The following PHACTR1 variants were observed in gnomAD, a reference collection of about 807,000 sequenced individuals.
The protein encoded by PHACTR1 is phosphatase and actin regulator 1, also known as RPEL repeat containing 1.
A neutral mutation model predicts 69.2 loss-of-function variants in PHACTR1; 16 were observed. The observed-to-expected ratio is 0.23, with a 90% CI of 0.16 to 0.35. PHACTR1 has a LOEUF of 0.35. Among genes scored for constraint, PHACTR1 ranks in the 10% least tolerant of loss-of-function variants. The pLI is 1.00. For synonymous variants in PHACTR1, 312 were observed against 284.5 expected, an observed-to-expected ratio of 1.10 and a Z score of -0.97; for missense variants, 510 against 734.7, an observed-to-expected ratio of 0.69 and a Z score of 3.54.
Position 12,716,908 on chromosome 6 carries a change from C to T in PHACTR1, c.-282+12C>T, listed in dbSNP as rs1469048391. 2.7e-5 allele frequency: 4 copies of T among 148,646 alleles called. No homozygotes were observed. Among genetic ancestry groups the T allele is most frequent in the Non-Finnish European group, 4.4e-5 (3 of 67,534 alleles). 9.2% of individuals were successfully genotyped at this position (148,646 alleles called of 1,614,324 possible). A position where few individuals can be genotyped will look rare whatever the true frequency, so the allele number is the denominator to read the frequency against. On this transcript the variant is annotated intron_variant, in intron 1 of 14. Transcript: ENST00000332995. ...GTCAACAAGTGCCGGTGAGTATCCG[C>T]TAACTTCCAGACTCTTCCTTTCAAA...
At chr6:13,087,119 TTA>T (rs915472537) in intron 5 of PHACTR1, among the ~76,000 whole-genome samples, 23 of 148,210 alleles carry the variant, frequency 1.6e-4, no homozygotes, top group African/African-American at 5.2e-4. Context: ...TCAGACTGTT[TTA>T]TATATATATG....
chr6:13,189,356 A>G (rs1040310283), intron 7 of PHACTR1, among the ~76,000 whole-genome samples: 1 of 152,080 alleles, frequency 6.6e-6, no homozygotes, highest in African/African-American at 2.4e-5. Flanking sequence ...CCTCATTTAT[A>G]ACCATTTGTT....
At chr6:13,137,627 T>G (rs1223521) in intron 5 of PHACTR1, among the ~76,000 whole-genome samples, 28,489 of 152,276 alleles carry the variant, frequency 0.19, 3,131 homozygotes, top group South Asian at 0.41. Context: ...CCCATGCAAC[T>G]GTTTTCATGC....
chr6:12,797,044 A>T (rs867636068), intron 4 of PHACTR1, among the ~76,000 whole-genome samples: 112 of 132,324 alleles, frequency 8.5e-4, no homozygotes, highest in Admixed American at 1.6e-3. Context: ...TGTGTGTGAG[A>T]GAGAGAGAGA....
intron 4 of PHACTR1, among the ~76,000 whole-genome samples, chr6:12,859,401 A>G (rs1258849930): frequency 6.6e-6 from 1 of 152,242 alleles, no homozygotes; most frequent in Admixed American, 6.5e-5. Context: ...CACTATGTGT[A>G]TGTAGCAATT....
intron 5 of PHACTR1, among the ~76,000 whole-genome samples, chr6:13,150,478 A>G (rs950366910): frequency 4.6e-5 from 7 of 152,234 alleles, no homozygotes; most frequent in African/African-American, 1.7e-4. Flanking sequence ...TTAGATATTC[A>G]TGGTACCTGA....
At chr6:13,064,614 C>CTATATA (rs1257051758) in intron 5 of PHACTR1, among the ~76,000 whole-genome samples, 1 of 5,160 alleles carries the variant, frequency 1.9e-4, no homozygotes, top group Non-Finnish European at 3.3e-4. Context: ...ATCTATATAT[C>CTATATA]TATCTATCCA....
At chr6:12,886,271 G>C (rs1783629263) in intron 4 of PHACTR1, among the ~76,000 whole-genome samples, 1 of 149,262 alleles carries the variant, frequency 6.7e-6, no homozygotes, top group South Asian at 2.1e-4. Flanking sequence ...AAAAAAAAAG[G>C]CAACTTAAGA....
rs1761428655 is a variant in PHACTR1, at chr6:12,716,855, T to C, written c.-323T>C. 6.6e-6 allele frequency: 1 copy of C among 152,150 alleles called. No homozygotes were observed. The highest frequency in any genetic ancestry group is 2.4e-5 in the African/African-American group (1 of 41,422). The allele number at this position is 152,150 out of a possible 1,614,324, so 9.4% of individuals were successfully genotyped here. A position where few individuals can be genotyped will look rare whatever the true frequency, so the allele number is the denominator to read the frequency against. On this transcript the variant is annotated 5_prime_UTR_variant, in exon 1 of 15. Transcript: ENST00000332995. The stretch of plus-strand genomic sequence containing the variant: ...TCAGAAGCGTCGCACTGCTTTGTTT[T>C]GTACTCTACCGTGTCCTGTTGAAAG...
intron 5 of PHACTR1, among the ~76,000 whole-genome samples, chr6:13,079,290 A>G (rs753231110): frequency 1.1e-4 from 17 of 152,128 alleles, no homozygotes; most frequent in Non-Finnish European, 2.5e-4. Flanking sequence ...AGTGAATCAC[A>G]AGGAGCTCTG....
chr6:13,097,305 T>C (rs1814418997), intron 5 of PHACTR1, among the ~76,000 whole-genome samples: 1 of 152,240 alleles, frequency 6.6e-6, no homozygotes, highest in Non-Finnish European at 1.5e-5. Context: ...AAAACATTAT[T>C]CTTGTTGATG....
chr6:13,105,135 A>G (rs1815877880), intron 5 of PHACTR1, among the ~76,000 whole-genome samples: 1 of 152,202 alleles, frequency 6.6e-6, no homozygotes, highest in Non-Finnish European at 1.5e-5. Context: ...TAATTCAACC[A>G]CTTTGAGAGG....
intron 12 of PHACTR1, chr6:13,280,122 G>A (rs1779822547): frequency 6.6e-6 from 1 of 152,184 alleles, no homozygotes; most frequent in Non-Finnish European, 1.5e-5. Context: ...CTAACTGCAT[G>A]ATTTGGTAAT....
intron 5 of PHACTR1, among the ~76,000 whole-genome samples, chr6:13,137,681 C>T (rs72823004): frequency 0.014 from 2,146 of 152,290 alleles, 28 homozygotes; most frequent in Admixed American, 0.019. Flanking sequence ...CATTTGTGCG[C>T]TGGGAATGGA....
intron 4 of PHACTR1, among the ~76,000 whole-genome samples, chr6:12,781,499 T>A (rs1170448111): frequency 6.6e-6 from 1 of 152,202 alleles, no homozygotes; most frequent in Non-Finnish European, 1.5e-5. Context: ...GGCTCTAGGA[T>A]TTTCCACTTT....
At chr6:12,858,642 T>A (rs1256778233) in intron 4 of PHACTR1, among the ~76,000 whole-genome samples, 4 of 151,984 alleles carry the variant, frequency 2.6e-5, no homozygotes, top group Non-Finnish European at 5.9e-5. Flanking sequence ...AAAAAAAATT[T>A]AAAAATTGCA....
Position 13,283,616 on chromosome 6 carries a change from G to A in PHACTR1, c.1650+54G>A, listed in dbSNP as rs776398168. On this transcript the variant is annotated intron_variant, in intron 13 of 14. Coordinates refer to ENST00000332995, the MANE Select transcript of PHACTR1 (RefSeq NM_030948.6). This position sits in a 1 kb window ranked among gnomAD's most constrained non-coding sequence, Gnocchi z 4.7. ...GAGGCAGGACCGTCTGCTGGGTCTC[G>A]CTGGGCTCACCGCTGGGGAGCGTGT... The A allele has an allele frequency of 3.1e-5, 50 of 1,612,310 alleles. No homozygotes were observed. The highest frequency in any genetic ancestry group is 8.9e-5 in the East Asian group (4 of 44,880).
chr6:13,130,022 C>A (rs1820161664), intron 5 of PHACTR1, among the ~76,000 whole-genome samples: 1 of 152,058 alleles, frequency 6.6e-6, no homozygotes, highest in South Asian at 2.1e-4. Context: ...TATACAAATA[C>A]ATGGAAATTA....
At chr6:12,938,421 C>T (rs933958736) in intron 4 of PHACTR1, among the ~76,000 whole-genome samples, 1 of 152,140 alleles carries the variant, frequency 6.6e-6, no homozygotes, top group Non-Finnish European at 1.5e-5. Context: ...GGAGCACAAA[C>T]CCGTGCACAC....
Sources: allele counts gnomAD v4.1 joint callset (sites outside exome capture counted in the v4.1 genomes callset), GRCh38; gene constraint gnomAD v4.1.1; non-coding constraint Gnocchi (gnomAD v3.1); transcripts MANE v1.5; gene names NCBI Gene and HGNC (gene_info 2026-07-23, HGNC 2026-07-21).